FAM76B: variants seen among roughly 807,000 people sequenced by gnomAD.
The protein encoded by FAM76B is family with sequence similarity 76 member B, also known as protein FAM76B.
Under a neutral mutation model 51.8 loss-of-function variants are expected in FAM76B, and 16 were observed. That is an observed-to-expected ratio of 0.31 (90% confidence interval 0.21 to 0.47). The LOEUF is 0.47. FAM76B is among the 20% of genes least tolerant of loss of function. The pLI, the probability that FAM76B is intolerant of heterozygous loss-of-function variation, is 1.00. For missense variants in FAM76B, 342 were observed against 392.6 expected (o/e 0.87, Z 1.09); for synonymous variants, 166 against 129.5 (o/e 1.28, Z -1.91).
Position 95,778,815 on chromosome 11 carries a change from T to C in FAM76B, c.828+7A>G. 1 of 1,596,398 alleles carries C rather than the reference T, an allele frequency of 6.3e-7. No homozygotes were observed. The highest frequency in any genetic ancestry group is 8.5e-7 in the Non-Finnish European group (1 of 1,173,414). ...TCTTACCAGGCTTCAATGAACCATG[T>C]TCTTACCTTTTTATCTTTTTCTAAA... On this transcript the variant is annotated splice_region_variant and intron_variant, in intron 8 of 9. Transcript: ENST00000358780.
chr11:95,781,137 C>T (rs1458964074), intron 5 of FAM76B, among the ~76,000 whole-genome samples: 2 of 150,834 alleles, frequency 1.3e-5, no homozygotes, highest in South Asian at 2.1e-4. Context: ...CATGAACTAA[C>T]AGCACTAACC....
rs1380303580 is a variant in FAM76B at position 95,789,559 on chromosome 11, G to C, written c.-81C>G. On this transcript the variant is annotated 5_prime_UTR_variant, in exon 1 of 10. Transcript: ENST00000358780. ...AGAACCCGAGAGCCGCCGCCGCCCG[G>C]GCCGCGGGCTCCTCCTCCTCCCCCT... The C allele has an allele frequency of 5.3e-5, 71 of 1,328,198 alleles. No homozygotes were observed. The highest frequency in any genetic ancestry group is 7.1e-5 in the Non-Finnish European group (69 of 970,224). The allele number at this position is 1,328,198 out of a possible 1,614,324, so 82.3% of individuals were successfully genotyped here. A position where few individuals can be genotyped will look rare whatever the true frequency, so the allele number is the denominator to read the frequency against.
intron 9 of FAM76B, among the ~76,000 whole-genome samples, chr11:95,772,222 A>C (rs1032773044): frequency 2.0e-5 from 3 of 151,010 alleles, no homozygotes; most frequent in African/African-American, 7.3e-5. Flanking sequence ...AGAACCACTC[A>C]TTATCTTGTT....
chr11:95,787,002 C>T (rs1242982669), intron 3 of FAM76B, among the ~76,000 whole-genome samples: 1 of 152,102 alleles, frequency 6.6e-6, no homozygotes, highest in African/African-American at 2.4e-5. Flanking sequence ...GGAGGCTGTT[C>T]TGAAGTGGGC....
chr11:95,788,461 CTT>C (rs1565298543), intron 2 of FAM76B, 36 bp downstream of exon 2: 22 of 1,452,504 alleles, frequency 1.5e-5, no homozygotes, highest in Non-Finnish European at 2.0e-5. Context: ...AAAGACAACA[CTT>C]GTCTTTAACA....
At chr11:95,789,203 C>G in intron 1 of FAM76B, 189 bp downstream of exon 1, 1 of 964,536 alleles carries the variant, frequency 1.0e-6, no homozygotes, top group Non-Finnish European at 1.5e-6. Context: ...TTCTGCCTCC[C>G]TTTCAGGGTC....
intron 9 of FAM76B, among the ~76,000 whole-genome samples, chr11:95,774,458 A>G (rs1303097477): frequency 2.6e-5 from 4 of 151,420 alleles, no homozygotes; most frequent in Non-Finnish European, 4.4e-5. Flanking sequence ...AAGAAAAACC[A>G]ACACACAAAC....
chr11:95,780,689 G>C (rs1174373097), intron 5 of FAM76B, among the ~76,000 whole-genome samples: 3 of 151,906 alleles, frequency 2.0e-5, no homozygotes, highest in South Asian at 2.1e-4. Context: ...CTATGAACCA[G>C]ATGCCACGTA....
At chr11:95,788,599 G>T (rs370902230) in intron 1 of FAM76B, 36 bp from the exon 2 acceptor site, 241 of 1,576,278 alleles carry the variant, frequency 1.5e-4, no homozygotes, top group Non-Finnish European at 2.0e-4. Context: ...GTATCTTTCT[G>T]AAAGTCCCAA....
chr11:95,786,028 T>C, intron 4 of FAM76B, 91 bp downstream of exon 4: 1 of 1,461,180 alleles, frequency 6.8e-7, no homozygotes, highest in Non-Finnish European at 9.2e-7. Context: ...AAAGAATAGA[T>C]CCAGTCTCAG....
At chr11:95,774,270 TA>T (rs1565284681) in intron 9 of FAM76B, among the ~76,000 whole-genome samples, 1 of 151,344 alleles carries the variant, frequency 6.6e-6, no homozygotes, top group Non-Finnish European at 1.5e-5. Flanking sequence ...GCATATCACA[TA>T]ACCCAGTTTT....
At position 95,769,606 on chromosome 11, in the gene FAM76B, T is replaced by C. The variant is rs1309760930; in HGVS notation, c.*1955A>G. The C allele has an allele frequency of 6.6e-6, 1 of 151,824 alleles. No homozygotes were observed. The highest frequency in any genetic ancestry group is 2.4e-5 in the African/African-American group (1 of 41,408). The allele number at this position is 151,824 out of a possible 1,614,324, so 9.4% of individuals were successfully genotyped here. On this transcript the variant is annotated 3_prime_UTR_variant, in exon 10 of 10. Coordinates refer to ENST00000358780, the MANE Select transcript of FAM76B (RefSeq NM_144664.5). ...ACAAGGTGTAAGAACTATCAAAAAG[T>C]AAAACCATAATGACCACTGTGGACT...
chr11:95,784,553 AGT>A (rs1379587936), intron 4 of FAM76B, among the ~76,000 whole-genome samples: 3 of 148,600 alleles, frequency 2.0e-5, no homozygotes, highest in African/African-American at 7.6e-5. Context: ...ATTAATCGAC[AGT>A]GTGTGTGTGT....
intron 4 of FAM76B, among the ~76,000 whole-genome samples, chr11:95,785,178 A>G (rs1209166869): frequency 6.6e-6 from 1 of 152,186 alleles, no homozygotes; most frequent in Non-Finnish European, 1.5e-5. Flanking sequence ...TATTATTTTT[A>G]TTAGTCTCCT....
intron 8 of FAM76B, among the ~76,000 whole-genome samples, chr11:95,778,517 T>C (rs1234710019): frequency 6.6e-6 from 1 of 151,590 alleles, no homozygotes; most frequent in East Asian, 1.9e-4. Flanking sequence ...GTTTATGAAA[T>C]ATTCCATTTA....
At chr11:95,788,339 A>G (rs1019459243) in intron 2 of FAM76B, among the ~76,000 whole-genome samples, 160 bp downstream of exon 2, 3 of 152,164 alleles carry the variant, frequency 2.0e-5, no homozygotes, top group Admixed American at 2.0e-4. Flanking sequence ...TTTTCGCAAC[A>G]TTCTCTCTCC....
intron 9 of FAM76B, among the ~76,000 whole-genome samples, chr11:95,773,863 A>G (rs1035325288): frequency 1.9e-4 from 28 of 151,206 alleles, no homozygotes; most frequent in Non-Finnish European, 7.4e-5. Context: ...TTTTCATGTG[A>G]TGTTCAGTGT....
intron 4 of FAM76B, among the ~76,000 whole-genome samples, chr11:95,784,582 ACACACACAC>A (rs1433582971): frequency 1.8e-4 from 27 of 151,326 alleles, no homozygotes; most frequent in African/African-American, 6.3e-4. Flanking sequence ...ACACACACAC[ACACACACAC>A]AATTTTTTTT....
At chr11:95,787,574 T>G (rs750195038) in intron 3 of FAM76B, 50 bp downstream of exon 3, 9 of 1,560,140 alleles carry the variant, frequency 5.8e-6, no homozygotes, top group Non-Finnish European at 7.0e-6. Context: ...TCCAGCTTTA[T>G]GAAAAATATT....
Sources: gnomAD v4.1 joint callset for allele counts (sites outside exome capture counted in the v4.1 genomes callset) on GRCh38, gnomAD v4.1.1 for gene constraint, MANE v1.5 for transcripts, NCBI Gene and HGNC (gene_info 2026-07-23, HGNC 2026-07-21) for gene names.